The following F11R variants were observed in gnomAD, a reference collection of about 807,000 sequenced individuals.
The protein encoded by F11R is F11 receptor.
In F11R, 27 loss-of-function variants were observed where a neutral mutation model predicts 39.3. That is an observed-to-expected ratio of 0.69 (90% CI 0.51 to 0.95). The LOEUF (loss-of-function observed/expected upper bound fraction) is 0.95, where lower values mean the gene tolerates loss of function less well. Among genes scored for constraint, F11R ranks in the 40% least tolerant of loss-of-function variants. The probability of loss-of-function intolerance (pLI) is 0.00; values close to 1 mark genes in which losing one functional copy is unlikely to be tolerated. For missense variants in F11R, 335 were observed against 372.7 expected, an observed-to-expected ratio of 0.90 and a Z score of 0.83; for synonymous variants, 131 against 144.9, an observed-to-expected ratio of 0.90 and a Z score of 0.69.
At position 161,000,757 on chromosome 1, in the gene F11R, T is replaced by A. The variant is rs1648431551; in HGVS notation, c.262A>T (p.Thr88Ser). 1.2e-6 allele frequency: 2 copies of A among 1,613,786 alleles called. No individual in the cohort carries two copies. Among genetic ancestry groups the A allele is most frequent in the Non-Finnish European group, 1.7e-6 (2 of 1,179,982 alleles). Residue 88 changes from threonine to serine, a missense_variant, in exon 4 of 10, where the codon ACC becomes TCC. Coordinates refer to ENST00000368026, the MANE Select transcript of F11R (RefSeq NM_016946.6). ...KITASYEDRV[T>S]FLPTGITFKS... ...AAGGTGATACCAGTTGGCAAGAAGGTCACCCGGTCCTCATAGGAAGCTACC... is the reference window on the plus strand; with the variant it reads ...AAGGTGATACCAGTTGGCAAGAAGGACACCCGGTCCTCATAGGAAGCTACC...
chr1:161,011,280 G>A (rs539330626), intron 1 of F11R, among the ~76,000 whole-genome samples: 19 of 151,984 alleles, frequency 1.3e-4, no homozygotes, highest in Admixed American at 3.9e-4. Flanking sequence ...TGATCCGTCC[G>A]CCCCAGCCTC....
chr1:161,001,787 G>C (rs1359190235), intron 1 of F11R, among the ~76,000 whole-genome samples: 1 of 152,226 alleles, frequency 6.6e-6, no homozygotes, highest in Admixed American at 6.5e-5. Context: ...GCAGAGCCAT[G>C]ATGAGGATAA....
intron 1 of F11R, among the ~76,000 whole-genome samples, chr1:161,009,817 T>C (rs1000311212): frequency 2.6e-5 from 4 of 151,980 alleles, no homozygotes; most frequent in Non-Finnish European, 5.9e-5. Context: ...CCAGGCATGG[T>C]GCATACCTGT....
chr1:161,007,219 A>G (rs1314721442), intron 1 of F11R, among the ~76,000 whole-genome samples: 1 of 151,238 alleles, frequency 6.6e-6, no homozygotes. Flanking sequence ...TAATCCCAGC[A>G]CTTTGGGAGG....
intron 1 of F11R, among the ~76,000 whole-genome samples, chr1:161,011,224 G>C (rs1240432892): frequency 1.3e-5 from 2 of 151,698 alleles, no homozygotes; most frequent in African/African-American, 2.4e-5. Flanking sequence ...ATAGACACGG[G>C]GTTTCACCAC....
At chr1:161,011,355 C>T (rs1360679645) in intron 1 of F11R, among the ~76,000 whole-genome samples, 1 of 151,048 alleles carries the variant, frequency 6.6e-6, no homozygotes. Flanking sequence ...TTTAGTATAA[C>T]AAAGAAAAAA....
chr1:161,009,144 T>A (rs1292908380), intron 1 of F11R, among the ~76,000 whole-genome samples: 4 of 152,134 alleles, frequency 2.6e-5, no homozygotes, highest in Non-Finnish European at 4.4e-5. Flanking sequence ...CCCCTCTTTA[T>A]CTGGGCAGCA....
At chr1:160,999,511 A>G (rs1648333722) in intron 7 of F11R, 103 bp from the exon 8 acceptor site, 1 of 1,556,982 alleles carries the variant, frequency 6.4e-7, no homozygotes. Flanking sequence ...TAGATGGGTG[A>G]TCAGTGTTCC....
At chr1:161,004,604 G>C (rs957283325) in intron 1 of F11R, among the ~76,000 whole-genome samples, 1 of 151,916 alleles carries the variant, frequency 6.6e-6, no homozygotes, top group Non-Finnish European at 1.5e-5. Flanking sequence ...AGTAACTTGG[G>C]AGACTGAGGC....
At chr1:161,004,462 A>G (rs1321290751) in intron 1 of F11R, among the ~76,000 whole-genome samples, 1 of 151,940 alleles carries the variant, frequency 6.6e-6, no homozygotes, top group Non-Finnish European at 1.5e-5. Context: ...AAAGAGAATC[A>G]CTTGAACCCG....
intron 7 of F11R, 45 bp downstream of exon 7, chr1:160,999,595 G>T: frequency 6.4e-7 from 1 of 1,571,408 alleles, no homozygotes; most frequent in Non-Finnish European, 8.8e-7. Context: ...CCAGGCCCTG[G>T]GATGGGGGCA....
rs764406987 is a variant in F11R, at chr1:160,998,923, T to G, written c.865-17A>C. The G allele has an allele frequency of 2.5e-6, 4 of 1,614,096 alleles. No homozygotes were observed. The Admixed American group carries it at 6.7e-5, about 27-fold the overall frequency. On this transcript the variant is annotated splice_polypyrimidine_tract_variant and intron_variant, in intron 9 of 9. Transcript: ENST00000368026. The stretch of plus-strand genomic sequence containing the variant: ...GAATTCTCCCTGCAGAAATAAAACA[T>G]CCAGTCAACTCTCAATAGTCTTCTT...
chr1:161,004,890 G>A (rs1480821598), intron 1 of F11R, among the ~76,000 whole-genome samples: 1 of 151,974 alleles, frequency 6.6e-6, no homozygotes, highest in African/African-American at 2.4e-5. Flanking sequence ...GCTGAGCACG[G>A]TAGCTCACAC....
In F11R at chr1:160,998,926, A is replaced by G. The variant is rs148045492; in HGVS notation, c.865-20T>C. 2.0e-3 allele frequency: 3,288 copies of G among 1,614,140 alleles called. 62 individuals are homozygous for G. The African/African-American group carries it at 0.038, about 19-fold the overall frequency. ...TTCTCCCTGCAGAAATAAAACATCC[A>G]GTCAACTCTCAATAGTCTTCTTTAG... On this transcript the variant is annotated intron_variant, in intron 9 of 9. Transcript: ENST00000368026.
intron 1 of F11R, among the ~76,000 whole-genome samples, chr1:161,014,510 C>A (rs542430111): frequency 6.6e-6 from 1 of 152,150 alleles, no homozygotes; most frequent in Non-Finnish European, 1.5e-5. Context: ...TCAAGACCAG[C>A]CTGTACAACA....
chr1:161,004,137 G>A (rs888303750), intron 1 of F11R, among the ~76,000 whole-genome samples: 2 of 152,110 alleles, frequency 1.3e-5, no homozygotes, highest in Non-Finnish European at 2.9e-5. Context: ...AAAGAGCTGG[G>A]TTCTTGCTAC....
chr1:161,015,407 A>AAAAAAAAT (rs571469825), intron 1 of F11R, among the ~76,000 whole-genome samples: 2 of 136,136 alleles, frequency 1.5e-5, no homozygotes, highest in African/African-American at 5.5e-5. Context: ...CAAAAAAAAA[A>AAAAAAAAT]ATATATATAT....
chr1:161,001,448 C>T, intron 1 of F11R, 95 bp from the exon 2 acceptor site: 1 of 1,027,840 alleles, frequency 9.7e-7, no homozygotes, highest in Non-Finnish European at 1.5e-6. Flanking sequence ...CTTCTCCATT[C>T]ACAGACCCTA....
intron 4 of F11R, 28 bp downstream of exon 4, chr1:161,000,603 G>A: frequency 5.0e-6 from 8 of 1,613,812 alleles, no homozygotes; most frequent in Non-Finnish European, 6.8e-6. Context: ...CTAACTCCAG[G>A]CCCACCCAGA....
Sources: gnomAD v4.1 joint callset for allele counts (sites outside exome capture counted in the v4.1 genomes callset) on GRCh38, gnomAD v4.1.1 for gene constraint, MANE v1.5 for transcripts, NCBI Gene and HGNC (gene_info 2026-07-23, HGNC 2026-07-21) for gene names.